PDE4D: variants seen among roughly 807,000 people sequenced by gnomAD.
PDE4D encodes the protein phosphodiesterase 4D.
PDE4D carries 24 observed loss-of-function variants against 87.4 expected under a neutral mutation model. The observed-to-expected ratio is 0.27, with a 90% CI of 0.20 to 0.39. PDE4D has a LOEUF of 0.39. Ranked by LOEUF, PDE4D falls within the 10% of genes least tolerant of loss-of-function variation. The pLI is 1.00. For missense variants in PDE4D, 714 were observed against 1,041.0 expected, an observed-to-expected ratio of 0.69 and a Z score of 4.32; for synonymous variants, 384 against 383.2, an observed-to-expected ratio of 1.00 and a Z score of -0.02.
chr5:59,257,366 C>A (rs1761174631), intron 1 of PDE4D, among the ~76,000 whole-genome samples: 1 of 151,970 alleles, frequency 6.6e-6, no homozygotes, highest in Non-Finnish European at 1.5e-5. Context: ...GTAAGAATAT[C>A]AGTACCTGGC....
At chr5:60,287,478 A>G (rs1319063501) in intron 1 of PDE4D, among the ~76,000 whole-genome samples, 2 of 152,184 alleles carry the variant, frequency 1.3e-5, no homozygotes, top group Non-Finnish European at 2.9e-5. Flanking sequence ...TAAAATTCTT[A>G]TTTACCCTGT....
At position 59,960,205 on chromosome 5, in the gene PDE4D, T is replaced by A. The variant is rs915206110; in HGVS notation, c.272+28283A>T. Reference sequence around the variant, plus strand: ...TTGAAAAGTAAAAAAATAACGGATGTTGGCGAGACGGTAGAGAAAAGGGAA... The same window carrying A: ...TTGAAAAGTAAAAAAATAACGGATGATGGCGAGACGGTAGAGAAAAGGGAA... On this transcript the variant is annotated intron_variant, in intron 3 of 16. Coordinates refer to the PDE4D transcript ENST00000502484. Among the ~76,000 whole-genome samples, 9 of 152,210 alleles carry A rather than the reference T, an allele frequency of 5.9e-5. No homozygotes were observed. The East Asian group carries it at 1.7e-3, about 29-fold the overall frequency.
intron 1 of PDE4D, among the ~76,000 whole-genome samples, chr5:60,324,797 A>G (rs893153802): frequency 6.6e-6 from 1 of 152,252 alleles, no homozygotes; most frequent in African/African-American, 2.4e-5. Flanking sequence ...CCTACGCCTC[A>G]TATGGTTACT....
intron 1 of PDE4D, among the ~76,000 whole-genome samples, chr5:60,390,576 T>G (rs1762492889): frequency 6.6e-6 from 1 of 151,818 alleles, no homozygotes. Flanking sequence ...TCTGATACTC[T>G]CTGCCTCCAG....
rs70975372 is a variant in PDE4D at position 60,197,077 on chromosome 5, TTAGATAGA to T, written c.-89-11398_-89-11391del. ...GATAGATAGATAGATAGATAGACAG[TTAGATAGA>T]TAGATAGATAGATAGATAGATAGAT... is the stretch of plus-strand genomic sequence containing the variant. On this transcript the variant is annotated intron_variant, in intron 1 of 16. Transcript: ENST00000502484. Among the ~76,000 whole-genome samples, 634 of 117,322 alleles carry T rather than the reference TTAGATAGA, an allele frequency of 5.4e-3. 14 individuals carry two copies. Among genetic ancestry groups the T allele is most frequent in the African/African-American group, 0.012 (385 of 32,142 alleles). 77.0% of individuals were successfully genotyped at this position (117,322 alleles called of 152,430 possible).
At chr5:59,635,648 A>G (rs1460923388) in intron 1 of PDE4D, among the ~76,000 whole-genome samples, 1 of 152,236 alleles carries the variant, frequency 6.6e-6, no homozygotes, top group Non-Finnish European at 1.5e-5. Flanking sequence ...CCACATGATC[A>G]ACTCAATAGA....
chr5:59,426,398 A>T (rs919084033), intron 1 of PDE4D, among the ~76,000 whole-genome samples: 1 of 152,166 alleles, frequency 6.6e-6, no homozygotes, highest in African/African-American at 2.4e-5. Context: ...CACTTACTGT[A>T]TTCCTTCCTG....
At chr5:59,237,664 T>C (rs1378655139) in intron 1 of PDE4D, among the ~76,000 whole-genome samples, 1 of 152,188 alleles carries the variant, frequency 6.6e-6, no homozygotes, top group African/African-American at 2.4e-5. Context: ...GTCTCTGGTC[T>C]ATGCTTGCAT....
At chr5:59,183,211 T>C (rs969319931) in intron 4 of PDE4D, among the ~76,000 whole-genome samples, 3 of 152,186 alleles carry the variant, frequency 2.0e-5, no homozygotes, top group Non-Finnish European at 4.4e-5. Flanking sequence ...AGGCACAAAT[T>C]TGCATTGACC....
chr5:59,719,382 C>T (rs906763215), intron 1 of PDE4D, among the ~76,000 whole-genome samples: 21 of 152,110 alleles, frequency 1.4e-4, no homozygotes, highest in African/African-American at 5.1e-4. Flanking sequence ...GACTACATAA[C>T]CTCAAGAGCA....
intron 1 of PDE4D, among the ~76,000 whole-genome samples, chr5:59,409,325 A>G (rs540125783): frequency 2.0e-5 from 3 of 152,144 alleles, no homozygotes; most frequent in South Asian, 4.2e-4. Flanking sequence ...ATGAGTTATG[A>G]CTCTGGGAGA....
At chr5:59,176,933 G>A (rs765469542) in intron 5 of PDE4D, among the ~76,000 whole-genome samples, 15 of 152,118 alleles carry the variant, frequency 9.9e-5, no homozygotes, top group Non-Finnish European at 2.2e-4. Flanking sequence ...CAAAGCAAGC[G>A]CATCCATTTT....
At chr5:60,450,038 AT>A (rs1217989236) in intron 1 of PDE4D, among the ~76,000 whole-genome samples, 4 of 148,324 alleles carry the variant, frequency 2.7e-5, no homozygotes, top group East Asian at 2.0e-4. Flanking sequence ...AGTCAATAAA[AT>A]TTTTTTTCAG....
chr5:59,970,838 C>T (rs1760653066), intron 3 of PDE4D, among the ~76,000 whole-genome samples: 2 of 147,154 alleles, frequency 1.4e-5, no homozygotes, highest in South Asian at 2.3e-4. Flanking sequence ...ACCATTTGAC[C>T]CAGCCATCCC....
intron 1 of PDE4D, among the ~76,000 whole-genome samples, chr5:60,443,010 G>A (rs573662974): frequency 6.6e-6 from 1 of 152,132 alleles, no homozygotes; most frequent in East Asian, 1.9e-4. Flanking sequence ...CCACTCTCAG[G>A]ACATCAGAAA....
At chr5:60,127,194 C>T (rs1366772160) in intron 2 of PDE4D, among the ~76,000 whole-genome samples, 1 of 152,092 alleles carries the variant, frequency 6.6e-6, no homozygotes, top group African/African-American at 2.4e-5. Context: ...GGGAGTGAAA[C>T]AGGCAGGGGA....
chr5:60,479,566 C>A (rs2150212484), intron 1 of PDE4D, among the ~76,000 whole-genome samples: 1 of 152,198 alleles, frequency 6.6e-6, no homozygotes, highest in East Asian at 1.9e-4. Flanking sequence ...TGTCTCTGTC[C>A]AATTTTAAAG....
intron 1 of PDE4D, among the ~76,000 whole-genome samples, chr5:59,570,362 A>G (rs983091707): frequency 2.6e-4 from 39 of 152,330 alleles, no homozygotes; most frequent in African/African-American, 8.9e-4. Context: ...ATAAATAAGG[A>G]TGTCATACAA....
At chr5:59,100,167 T>C (rs967115652) in intron 5 of PDE4D, among the ~76,000 whole-genome samples, 6 of 152,212 alleles carry the variant, frequency 3.9e-5, no homozygotes, top group Non-Finnish European at 7.3e-5. Context: ...GAGTGATTGC[T>C]CCAAAATACA....
Sources: allele counts gnomAD v4.1 joint callset (sites outside exome capture counted in the v4.1 genomes callset), GRCh38; gene constraint gnomAD v4.1.1; transcripts MANE v1.5; gene names NCBI Gene and HGNC (gene_info 2026-07-23, HGNC 2026-07-21).